The following NEURL1 variants were observed in gnomAD, a reference collection of about 807,000 sequenced individuals.
NEURL1 encodes the protein neuralized E3 ubiquitin protein ligase 1.
In NEURL1, 26 loss-of-function variants were observed where a neutral mutation model predicts 41.2. The observed-to-expected ratio is 0.63, with a 90% confidence interval of 0.46 to 0.87. The LOEUF is 0.87. Ranked by LOEUF, NEURL1 falls within the 40% of genes least tolerant of loss-of-function variation. The probability of loss-of-function intolerance (pLI) is 0.00; values close to 1 mark genes in which losing one functional copy is unlikely to be tolerated. For missense variants in NEURL1, 761 were observed against 871.1 expected (o/e 0.87, Z 1.59); for synonymous variants, 400 against 402.3 (o/e 0.99, Z 0.07).
intron 1 of NEURL1, among the ~76,000 whole-genome samples, chr10:103,521,881 A>G (rs2034356534): frequency 6.6e-6 from 1 of 152,228 alleles, no homozygotes; most frequent in Non-Finnish European, 1.5e-5. Flanking sequence ...TTGTGTGAGC[A>G]ACAAGGCTGT....
intron 1 of NEURL1, among the ~76,000 whole-genome samples, chr10:103,527,190 C>T (rs371162254): frequency 1.3e-5 from 2 of 151,910 alleles, no homozygotes; most frequent in East Asian, 1.9e-4. Flanking sequence ...TGTTATGGCA[C>T]TGGTGGGAGT....
Position 103,558,429 on chromosome 10 carries a change from C to T in NEURL1, c.86-12443C>T, listed in dbSNP as rs1050997833. Among the ~76,000 whole-genome samples, 20 of 151,654 alleles carry T rather than the reference C, an allele frequency of 1.3e-4. No individual in the cohort carries two copies. The highest frequency in any genetic ancestry group is 2.0e-4 in the Admixed American group (3 of 15,208). On this transcript the variant is annotated intron_variant, in intron 1 of 5. Transcript: ENST00000369780. This position sits in a 1 kb window ranked among gnomAD's most constrained non-coding sequence, Gnocchi z 4.2. ...ATGTGTCTCTAACTGTGGATTGAAG[C>T]GACTGTGTGTTGCCGGGCCTGTGTT...
chr10:103,541,201 G>A (rs2133863908), intron 1 of NEURL1, among the ~76,000 whole-genome samples: 1 of 152,318 alleles, frequency 6.6e-6, no homozygotes, highest in South Asian at 2.1e-4. Flanking sequence ...GGTGATGCAG[G>A]TCGTGTGTTA....
At chr10:103,506,057 C>T (rs888479788) in intron 1 of NEURL1, among the ~76,000 whole-genome samples, 1 of 152,182 alleles carries the variant, frequency 6.6e-6, no homozygotes, top group Non-Finnish European at 1.5e-5. Context: ...CTTCTTTAGC[C>T]TTGTTGCCCT....
chr10:103,499,460 C>T (rs1418881046), intron 1 of NEURL1, among the ~76,000 whole-genome samples: 1 of 149,154 alleles, frequency 6.7e-6, no homozygotes, highest in Non-Finnish European at 1.5e-5. Flanking sequence ...TTCTTTCCTT[C>T]CCTTCCTTCC....
rs2035203351 is a variant in NEURL1 at position 103,558,302 on chromosome 10, G to T, written c.86-12570G>T. On this transcript the variant is annotated intron_variant, in intron 1 of 5. Transcript: ENST00000369780. This position sits in a 1 kb window ranked among gnomAD's most constrained non-coding sequence, Gnocchi z 4.2. ...CCAGGACTCTGTATGTGTGTCGGGG[G>T]TCATCTAATTGTGTGTTTTGTTTGT... The T allele has an allele frequency of 1.7e-5, 16 of 961,906 alleles. No homozygotes were observed. The highest frequency in any genetic ancestry group is 1.8e-5 in the African/African-American group (1 of 56,722). 59.6% of individuals were successfully genotyped at this position (961,906 alleles called of 1,614,324 possible).
At chr10:103,522,891 T>A (rs1291979752) in intron 1 of NEURL1, among the ~76,000 whole-genome samples, 1 of 152,072 alleles carries the variant, frequency 6.6e-6, no homozygotes, top group Non-Finnish European at 1.5e-5. Context: ...CTAAAGATGC[T>A]TTTGAATTTT....
intron 1 of NEURL1, among the ~76,000 whole-genome samples, chr10:103,550,341 G>A (rs764250114): frequency 5.9e-5 from 9 of 152,186 alleles, no homozygotes; most frequent in Non-Finnish European, 1.2e-4. Context: ...AGCTGAATGG[G>A]TTCAGAGAGC....
chr10:103,563,073 T>A (rs2035339517), intron 1 of NEURL1, among the ~76,000 whole-genome samples: 1 of 152,190 alleles, frequency 6.6e-6, no homozygotes, highest in Admixed American at 6.5e-5. Context: ...AACGAGTCCA[T>A]ATCAGGACCA....
At position 103,500,530 on chromosome 10, in the gene NEURL1, G is replaced by A. The variant is rs141822231; in HGVS notation, c.85+6058G>A. Reference sequence around the variant, plus strand: ...CTGTCTTTCATTGTGGGAGAGAGATGGGGGAGTAATTTTTGCGTCTCTGGA... The same window carrying A: ...CTGTCTTTCATTGTGGGAGAGAGATAGGGGAGTAATTTTTGCGTCTCTGGA... On this transcript the variant is annotated intron_variant, in intron 1 of 5. Coordinates refer to ENST00000369780, the MANE Select transcript of NEURL1 (RefSeq NM_004210.5). Among the ~76,000 whole-genome samples, 402 of 152,290 alleles carry A rather than the reference G, an allele frequency of 2.6e-3. 1 individual carries two copies. The highest frequency in any genetic ancestry group is 9.2e-3 in the African/African-American group (382 of 41,544).
chr10:103,554,337 C>A (rs1424497989), intron 1 of NEURL1, among the ~76,000 whole-genome samples: 3 of 152,206 alleles, frequency 2.0e-5, no homozygotes, highest in African/African-American at 7.2e-5. Flanking sequence ...CATGTGAGTA[C>A]ATGTCTGGTG....
At chr10:103,542,283 A>G (rs956806193) in intron 1 of NEURL1, among the ~76,000 whole-genome samples, 4 of 152,088 alleles carry the variant, frequency 2.6e-5, no homozygotes, top group Admixed American at 6.6e-5. Flanking sequence ...TTTTTTTGAG[A>G]CAGAGTCTCT....
At chr10:103,580,787 C>A (rs751440000) in intron 3 of NEURL1, among the ~76,000 whole-genome samples, 3 of 152,102 alleles carry the variant, frequency 2.0e-5, no homozygotes, top group Non-Finnish European at 4.4e-5. Context: ...CAGCTTTTGT[C>A]CCTCCCCTCC....
chr10:103,553,986 C>T (rs1564819393), intron 1 of NEURL1, among the ~76,000 whole-genome samples: 2 of 152,218 alleles, frequency 1.3e-5, no homozygotes, highest in Non-Finnish European at 2.9e-5. Context: ...CTGTGACCTG[C>T]TGGGTAACCT....
rs145695833 is a variant in NEURL1, at chr10:103,534,555, G to A, written c.86-36317G>A. ...ATCAGCAATAACTGTGAGCACCCCC[G>A]TGGCCTAGGCTGTAGATGTTTGTAC... On this transcript the variant is annotated intron_variant, in intron 1 of 5. Transcript: ENST00000369780. Among the ~76,000 whole-genome samples, 3 of 152,272 alleles carry A rather than the reference G, an allele frequency of 2.0e-5. No individual in the cohort carries two copies. The East Asian group carries it at 5.8e-4, about 29-fold the overall frequency.
Position 103,558,844 on chromosome 10 carries a change from G to T in NEURL1, c.86-12028G>T, listed in dbSNP as rs965565877. Among the ~76,000 whole-genome samples, 6 of 151,960 alleles carry T rather than the reference G, an allele frequency of 3.9e-5. No homozygotes were observed. Among genetic ancestry groups the T allele is most frequent in the African/African-American group, 1.2e-4 (5 of 41,358 alleles). On this transcript the variant is annotated intron_variant, in intron 1 of 5. Transcript: ENST00000369780. The surrounding 1 kb of genome is among the most constrained non-coding windows in gnomAD (Gnocchi z 4.2). ...CACCTCCCTTCAATGCTCCCTCAGGGCAAGGAAGGGACCCCTTGCTGACGG... is the reference window on the plus strand; with the variant it reads ...CACCTCCCTTCAATGCTCCCTCAGGTCAAGGAAGGGACCCCTTGCTGACGG...
At chr10:103,519,745 C>T (rs1170342250) in intron 1 of NEURL1, among the ~76,000 whole-genome samples, 1 of 150,930 alleles carries the variant, frequency 6.6e-6, no homozygotes, top group African/African-American at 2.4e-5. Context: ...ATTTTAAACT[C>T]TACTACCATC....
intron 3 of NEURL1, among the ~76,000 whole-genome samples, chr10:103,584,043 T>C (rs1311345551): frequency 6.6e-6 from 1 of 151,994 alleles, no homozygotes; most frequent in Non-Finnish European, 1.5e-5. Flanking sequence ...GATGAGACAA[T>C]GTACGCAAAG....
chr10:103,512,978 TTCTC>T (rs1330471763), intron 1 of NEURL1, among the ~76,000 whole-genome samples: 2 of 151,862 alleles, frequency 1.3e-5, no homozygotes, highest in South Asian at 2.1e-4. Context: ...TTCCCCGTCT[TTCTC>T]TCTCCCTCTA....
Sources: gnomAD v4.1 joint callset for allele counts (sites outside exome capture counted in the v4.1 genomes callset) on GRCh38, gnomAD v4.1.1 for gene constraint, Gnocchi (gnomAD v3.1) non-coding constraint, MANE v1.5 for transcripts, NCBI Gene and HGNC (gene_info 2026-07-23, HGNC 2026-07-21) for gene names.